Variants in EPC2 observed in about 807,000 individuals in gnomAD.
EPC2 encodes enhancer of polycomb homolog 2.
EPC2 carries 14 observed loss-of-function variants against 92.1 expected under a neutral mutation model. The ratio of observed to expected loss-of-function variants is 0.15; its 90% CI spans 0.10 to 0.24. The LOEUF (loss-of-function observed/expected upper bound fraction) is 0.24. Among genes scored for constraint, EPC2 ranks in the 10% least tolerant of loss-of-function variants. The pLI is 1.00. For missense variants in EPC2, 755 were observed against 971.5 expected, an observed-to-expected ratio of 0.78 and a Z score of 2.96; for synonymous variants, 340 against 334.7, an observed-to-expected ratio of 1.02 and a Z score of -0.17.
At chr2:148,708,169 C>T (rs1414825636) in intron 2 of EPC2, among the ~76,000 whole-genome samples, 4 of 152,152 alleles carry the variant, frequency 2.6e-5, no homozygotes, top group Non-Finnish European at 5.9e-5. Context: ...GATATCACCA[C>T]CTGCCCTACG....
chr2:148,723,503 C>G (rs933738936), intron 2 of EPC2, among the ~76,000 whole-genome samples: 39 of 152,126 alleles, frequency 2.6e-4, no homozygotes, highest in African/African-American at 8.4e-4. Context: ...GGTTTCTGTT[C>G]CCGTAAGTTG....
chr2:148,775,775 C>CTTTTTTTTTTTTTT (rs70995334), intron 10 of EPC2, among the ~76,000 whole-genome samples: 1 of 92,290 alleles, frequency 1.1e-5, no homozygotes, highest in Non-Finnish European at 1.9e-5. Context: ...AATTTCTTTT[C>CTTTTTTTTTTTTTT]TTTTTTTTTT....
intron 10 of EPC2, among the ~76,000 whole-genome samples, chr2:148,780,108 G>C (rs1214064261): frequency 6.6e-6 from 1 of 152,120 alleles, no homozygotes; most frequent in African/African-American, 2.4e-5. Flanking sequence ...TTTAACATGT[G>C]CAAAGAAAGA....
At position 148,691,968 on chromosome 2, in the gene EPC2, A is replaced by C. The variant is rs1427866181; in HGVS notation, c.313+1595A>C. On this transcript the variant is annotated intron_variant, in intron 2 of 13. Coordinates refer to ENST00000258484, the MANE Select transcript of EPC2 (RefSeq NM_015630.4). Reference sequence around the variant, plus strand: ...ATATATAGTAATGTTGTGTCTTTTAATTGATGGCAGTTTAGATTTGATAGA... The same window carrying C: ...ATATATAGTAATGTTGTGTCTTTTACTTGATGGCAGTTTAGATTTGATAGA... The C allele has an allele frequency of 8.1e-6, 3 of 369,658 alleles. No homozygotes were observed. The East Asian group carries it at 2.0e-4, about 25-fold the overall frequency. 22.9% of individuals were successfully genotyped at this position (369,658 alleles called of 1,614,324 possible). A position where few individuals can be genotyped will look rare whatever the true frequency, so the allele number is the denominator to read the frequency against.
intron 1 of EPC2, among the ~76,000 whole-genome samples, chr2:148,668,385 T>C (rs1038356675): frequency 6.6e-6 from 1 of 152,184 alleles, no homozygotes; most frequent in African/African-American, 2.4e-5. Flanking sequence ...TAAATACGTA[T>C]TTGTCTGTAG....
At chr2:148,733,253 T>C (rs1682681777) in intron 2 of EPC2, among the ~76,000 whole-genome samples, 1 of 151,850 alleles carries the variant, frequency 6.6e-6, no homozygotes, top group African/African-American at 2.4e-5. Context: ...TTGAAAATTG[T>C]ACTTCCTTAG....
At chr2:148,678,206 C>G (rs1681311682) in intron 1 of EPC2, among the ~76,000 whole-genome samples, 1 of 152,148 alleles carries the variant, frequency 6.6e-6, no homozygotes, top group Non-Finnish European at 1.5e-5. Context: ...TTGAGCTAGA[C>G]ACAGGGTGCT....
At chr2:148,727,660 T>A (rs946930779) in intron 2 of EPC2, among the ~76,000 whole-genome samples, 7 of 152,186 alleles carry the variant, frequency 4.6e-5, no homozygotes, top group African/African-American at 1.7e-4. Context: ...GAATAAAACT[T>A]TTTGCCTTCA....
At chr2:148,645,375 T>A (rs902375679) in intron 1 of EPC2, 1 of 516,710 alleles carries the variant, frequency 1.9e-6, no homozygotes, top group Non-Finnish European at 3.5e-6. Flanking sequence ...TGCGTCCCAG[T>A]GTTGTGATTA....
chr2:148,749,445 G>A (rs1016479706), intron 3 of EPC2, among the ~76,000 whole-genome samples: 1 of 150,702 alleles, frequency 6.6e-6, no homozygotes, highest in South Asian at 2.1e-4. Context: ...CAAATTAAAA[G>A]CGCCTAAAAC....
At chr2:148,708,018 T>C (rs1348090872) in intron 2 of EPC2, among the ~76,000 whole-genome samples, 1 of 152,060 alleles carries the variant, frequency 6.6e-6, no homozygotes, top group African/African-American at 2.4e-5. Flanking sequence ...CTGAAGGAGA[T>C]AGAGACACAA....
At chr2:148,743,557 TATG>T in intron 2 of EPC2, 62 bp from the exon 3 acceptor site, 2 of 1,317,486 alleles carry the variant, frequency 1.5e-6, no homozygotes, top group Non-Finnish European at 1.0e-6. Context: ...TGCAGTCAAA[TATG>T]ATGAACAATG....
At chr2:148,720,580 T>C (rs960796279) in intron 2 of EPC2, among the ~76,000 whole-genome samples, 1 of 152,210 alleles carries the variant, frequency 6.6e-6, no homozygotes, top group Non-Finnish European at 1.5e-5. Context: ...GCTGCTCTGC[T>C]GAGACTCCAC....
intron 1 of EPC2, among the ~76,000 whole-genome samples, chr2:148,668,900 G>T (rs1681103286): frequency 6.6e-6 from 1 of 151,932 alleles, no homozygotes; most frequent in Admixed American, 6.6e-5. Flanking sequence ...TTTCTACTAT[G>T]ATCTTATTTC....
At chr2:148,774,624 T>TATTATATTATATATATATATATATA (rs935978031) in intron 10 of EPC2, among the ~76,000 whole-genome samples, 1 of 132,574 alleles carries the variant, frequency 7.5e-6, no homozygotes, top group South Asian at 2.5e-4. Context: ...AAAATATATT[T>TATTATATTATATATATATATATATA]TATATATATA....
intron 1 of EPC2, among the ~76,000 whole-genome samples, chr2:148,674,931 T>C (rs1681233178): frequency 6.6e-6 from 1 of 152,238 alleles, no homozygotes; most frequent in Admixed American, 6.5e-5. Flanking sequence ...TGTAACTTCG[T>C]AGTCTTTTGT....
chr2:148,663,343 C>A (rs988243654), intron 1 of EPC2, among the ~76,000 whole-genome samples: 2 of 150,680 alleles, frequency 1.3e-5, no homozygotes, highest in South Asian at 4.2e-4. Context: ...CTCAGCCTCC[C>A]GAGTAGCTGG....
In EPC2 at chr2:148,773,794, G is replaced by A. The variant is rs139378902; in HGVS notation, c.1720+2407G>A. Among the ~76,000 whole-genome samples, 1,179 of 152,208 alleles carry A rather than the reference G, an allele frequency of 7.7e-3. 7 individuals carry two copies. The highest frequency in any genetic ancestry group is 0.013 in the Non-Finnish European group (868 of 68,000). On this transcript the variant is annotated intron_variant, in intron 10 of 13. Coordinates refer to ENST00000258484, the MANE Select transcript of EPC2 (RefSeq NM_015630.4). ...TAGTTCTGGTTAGATAATTTTAAGT[G>A]AATTCAGTTACAGTTCCATGAATGT...
intron 6 of EPC2, among the ~76,000 whole-genome samples, chr2:148,763,618 A>G (rs921758622): frequency 3.9e-5 from 6 of 152,208 alleles, no homozygotes; most frequent in South Asian, 2.1e-4. Flanking sequence ...TTAAAGGTCA[A>G]GAAAGAGTGT....
Sources: allele counts gnomAD v4.1 joint callset (sites outside exome capture counted in the v4.1 genomes callset), GRCh38; gene constraint gnomAD v4.1.1; transcripts MANE v1.5; gene names NCBI Gene and HGNC (gene_info 2026-07-23, HGNC 2026-07-21).